Variants in SUB1 observed in about 807,000 individuals in gnomAD.
SUB1 encodes the protein activated RNA polymerase II transcriptional coactivator p15.
Under a neutral mutation model 16.9 loss-of-function variants are expected in SUB1, and 1 was observed. That is an observed-to-expected ratio of 0.06 (90% confidence interval 0.02 to 0.28). The LOEUF (loss-of-function observed/expected upper bound fraction) is 0.28, where lower values mean the gene tolerates loss of function less well. SUB1 is among the 10% of genes least tolerant of loss of function. The pLI is 1.00. For synonymous variants in SUB1, 51 were observed against 46.9 expected, an observed-to-expected ratio of 1.09 and a Z score of -0.36; for missense variants, 84 against 145.2, an observed-to-expected ratio of 0.58 and a Z score of 2.16.
At chr5:32,587,867 C>G (rs1738713079) in intron 1 of SUB1, among the ~76,000 whole-genome samples, 1 of 152,126 alleles carries the variant, frequency 6.6e-6, no homozygotes, top group Admixed American at 6.5e-5. Flanking sequence ...CTTTGGCCTC[C>G]TAAAGTTTTG....
At chr5:32,588,476 C>G (rs200414032) in intron 1 of SUB1, 36 bp from the exon 2 acceptor site, 1 of 1,578,586 alleles carries the variant, frequency 6.3e-7, no homozygotes, top group Non-Finnish European at 8.7e-7. Flanking sequence ...AGTAGAGTAC[C>G]TTATTAATTA....
At chr5:32,594,817 C>T (rs1467952394) in intron 3 of SUB1, 7 of 189,676 alleles carry the variant, frequency 3.7e-5, no homozygotes, top group Admixed American at 1.1e-4. Context: ...CTTTCCCCTT[C>T]CCTACCTGCT....
intron 4 of SUB1, among the ~76,000 whole-genome samples, chr5:32,599,905 C>T (rs529855805): frequency 2.0e-5 from 3 of 151,968 alleles, no homozygotes; most frequent in East Asian, 1.9e-4. Context: ...TGTTTATATG[C>T]GTCGGTATTG....
At chr5:32,591,835 G>T in intron 3 of SUB1, 150 bp downstream of exon 3, 2 of 941,056 alleles carry the variant, frequency 2.1e-6, no homozygotes, top group Non-Finnish European at 2.9e-6. Flanking sequence ...GAGTAGCTAG[G>T]ATTACAGGCA....
intron 2 of SUB1, among the ~76,000 whole-genome samples, chr5:32,590,242 T>C (rs567074935): frequency 3.3e-5 from 5 of 152,302 alleles, no homozygotes; most frequent in African/African-American, 1.2e-4. Flanking sequence ...ATGTTTTACA[T>C]GTATATAATA....
At chr5:32,597,129 T>G (rs1402281152) in intron 3 of SUB1, 1 of 147,496 alleles carries the variant, frequency 6.8e-6, no homozygotes, top group Admixed American at 6.8e-5. Context: ...TTCCTAATGA[T>G]TTTTTTTTTT....
intron 3 of SUB1, 166 bp from the exon 4 acceptor site, chr5:32,598,792 ATAT>A (rs1739044117): frequency 8.9e-6 from 4 of 447,208 alleles, no homozygotes; most frequent in Non-Finnish European, 1.6e-5. Context: ...AAAAATATGC[ATAT>A]AAGTGGGACC....
intron 2 of SUB1, among the ~76,000 whole-genome samples, chr5:32,590,761 A>AGTTTTTTTTTTT (rs1738801242): frequency 9.5e-5 from 1 of 10,500 alleles, no homozygotes; most frequent in Non-Finnish European, 3.8e-4. Context: ...ACGCCTGGCT[A>AGTTTTTTTTTTT]ATTTTTTTTT....
rs182498169 is a variant in SUB1 at position 32,603,443 on chromosome 5, A to T, written c.*2359A>T. 1 of 152,230 alleles carries T rather than the reference A, an allele frequency of 6.6e-6. No individual in the cohort carries two copies. The highest frequency in any genetic ancestry group is 6.5e-5 in the Admixed American group (1 of 15,288). The allele number at this position is 152,230 out of a possible 1,614,324, so 9.4% of individuals were successfully genotyped here. On this transcript the variant is annotated 3_prime_UTR_variant, in exon 5 of 5. Transcript: ENST00000265073. ...TTTCCCTTTAACAGACTCTATGTGT[A>T]TCAGGGCTTTCTAATGGGTTTTTCC...
chr5:32,600,989 T>C lies in SUB1; in HGVS notation c.305-16T>C, dbSNP rs1455082468. The C allele has an allele frequency of 1.7e-5, 27 of 1,607,222 alleles. No individual in the cohort carries two copies. The highest frequency in any genetic ancestry group is 2.2e-5 in the Non-Finnish European group (26 of 1,174,226). ...TAAATAGATTTTCACCTTTGAATTT[T>C]TAAACTTTGTTTTAGGTATTTCTTT... On this transcript the variant is annotated splice_polypyrimidine_tract_variant and intron_variant, in intron 4 of 4. Transcript: ENST00000265073.
chr5:32,591,194 A>G (rs967810951), intron 2 of SUB1: 2 of 160,688 alleles, frequency 1.2e-5, no homozygotes, highest in African/African-American at 4.8e-5. Flanking sequence ...AAAATAAGTA[A>G]CTGACTAGCC....
chr5:32,589,654 C>T (rs151217145), intron 2 of SUB1, among the ~76,000 whole-genome samples: 27 of 152,264 alleles, frequency 1.8e-4, no homozygotes, highest in African/African-American at 2.2e-4. Context: ...TCTCACTCTG[C>T]GGTCAAGTCT....
chr5:32,595,074 A>G (rs1228721013), intron 3 of SUB1: 2 of 152,670 alleles, frequency 1.3e-5, no homozygotes, highest in African/African-American at 2.4e-5. Flanking sequence ...TCTTTAAGTA[A>G]TATATCCCTA....
rs78748805 is a variant in SUB1 at position 32,594,091 on chromosome 5, C to G, written c.195+2406C>G. Among the ~76,000 whole-genome samples the G allele has an allele frequency of 1.4e-4, 21 of 152,268 alleles. No individual in the cohort carries two copies. The East Asian group carries it at 4.0e-3, about 29-fold the overall frequency. ...ATTGCCATTACAGCTTGATGTACATCAAACATCAATACATAAGCAGTTCTC... is the reference window on the plus strand; with the variant it reads ...ATTGCCATTACAGCTTGATGTACATGAAACATCAATACATAAGCAGTTCTC... On this transcript the variant is annotated intron_variant, in intron 3 of 4. Coordinates refer to ENST00000265073, the MANE Select transcript of SUB1 (RefSeq NM_006713.4).
At chr5:32,593,563 AT>A (rs1295189439) in intron 3 of SUB1, among the ~76,000 whole-genome samples, 1 of 152,186 alleles carries the variant, frequency 6.6e-6, no homozygotes, top group Admixed American at 6.5e-5. Flanking sequence ...ACTAGATCTA[AT>A]TTTAGGAATT....
chr5:32,591,696 C>CTT lies in SUB1; in HGVS notation c.195+12_195+13insTT. On this transcript the variant is annotated intron_variant, in intron 3 of 4. Transcript: ENST00000265073. ...GATAACATGTTTCAGGTAAAGTTGG[C>CTT]TATTTTTTTTTTTTTTTTTTTTGAC... is the stretch of plus-strand genomic sequence containing the variant. 1 of 1,511,152 alleles carries CTT rather than the reference C, an allele frequency of 6.6e-7. No homozygotes were observed. The allele number at this position is 1,511,152 out of a possible 1,614,324, so 93.6% of individuals were successfully genotyped here. A position where few individuals can be genotyped will look rare whatever the true frequency, so the allele number is the denominator to read the frequency against.
chr5:32,591,298 CA>C, intron 2 of SUB1: 1 of 270,616 alleles, frequency 3.7e-6, no homozygotes, highest in South Asian at 1.3e-4. Context: ...TCCCAAACCA[CA>C]AAATAACCGT....
chr5:32,585,756 C>T (rs962690103), intron 1 of SUB1, 131 bp downstream of exon 1: 9 of 152,466 alleles, frequency 5.9e-5, no homozygotes, highest in African/African-American at 2.2e-4. Flanking sequence ...GCCTTACCTC[C>T]CCCTTCCCCT....
chr5:32,589,788 G>A (rs1279125222), intron 2 of SUB1, among the ~76,000 whole-genome samples: 2 of 152,024 alleles, frequency 1.3e-5, no homozygotes, highest in African/African-American at 4.8e-5. Flanking sequence ...AAAATAGTAA[G>A]TAATGACTAG....
Sources: allele counts gnomAD v4.1 joint callset (sites outside exome capture counted in the v4.1 genomes callset), GRCh38; gene constraint gnomAD v4.1.1; transcripts MANE v1.5; gene names NCBI Gene and HGNC (gene_info 2026-07-23, HGNC 2026-07-21).